Variants in SLC5A4 observed in about 807,000 individuals in gnomAD.
The protein encoded by SLC5A4 is solute carrier family 5 member 4.
SLC5A4 carries 55 observed loss-of-function variants against 70.3 expected under a neutral mutation model. The observed-to-expected ratio is 0.78, with a 90% confidence interval of 0.63 to 0.98. SLC5A4 has a LOEUF of 0.98. Ranked by LOEUF, SLC5A4 falls within the 50% of genes least tolerant of loss-of-function variation. The pLI, the probability that SLC5A4 is intolerant of heterozygous loss-of-function variation, is 0.00. For missense variants in SLC5A4, 735 were observed against 839.2 expected (o/e 0.88, Z 1.53); for synonymous variants, 268 against 305.7 (o/e 0.88, Z 1.29).
At chr22:32,269,643 G>C in the SLC5A4 span, 1 of 597,784 alleles carries the variant, frequency 1.7e-6, no homozygotes, top group Non-Finnish European at 3.3e-6. This position sits in a 1 kb window ranked among gnomAD's most constrained non-coding sequence, Gnocchi z 4.1. Context: ...AGGTGGGGTG[G>C]TGGTCTTTGT....
At chr22:32,347,013 AAAC>A in the SLC5A4 span, among the ~76,000 whole-genome samples, 1 of 152,202 alleles carries the variant, frequency 6.6e-6, no homozygotes, top group African/African-American at 2.4e-5. Context: ...TACAAGAAAA[AAAC>A]AAACAACCCC....
chr22:32,290,619 C>G, the SLC5A4 span, among the ~76,000 whole-genome samples: 1 of 152,112 alleles, frequency 6.6e-6, no homozygotes, highest in African/African-American at 2.4e-5. Context: ...CGGTAACTTA[C>G]AAACAATAGA....
At chr22:32,331,000 G>A in the SLC5A4 span, among the ~76,000 whole-genome samples, 1 of 137,144 alleles carries the variant, frequency 7.3e-6, no homozygotes, top group Non-Finnish European at 1.6e-5. Context: ...GCTCTGGTGT[G>A]TGTGTTGGGG....
At chr22:32,281,346 T>C in the SLC5A4 span, among the ~76,000 whole-genome samples, 1 of 152,056 alleles carries the variant, frequency 6.6e-6, no homozygotes, top group Non-Finnish European at 1.5e-5. Flanking sequence ...ACAGGGCTGC[T>C]CTCCTCTGGG....
chr22:32,277,568 G>A, the SLC5A4 span, among the ~76,000 whole-genome samples: 1 of 151,888 alleles, frequency 6.6e-6, no homozygotes, highest in Non-Finnish European at 1.5e-5. Context: ...TTTTTTTTGA[G>A]ATGGAGTCTC....
At chr22:32,234,817 T>G in intron 8 of SLC5A4, 56 bp downstream of exon 8, 1 of 1,291,784 alleles carries the variant, frequency 7.7e-7, no homozygotes, top group South Asian at 1.2e-5. Context: ...CATGCACACA[T>G]ACAGACACAC....
chr22:32,319,077 ACT>A, the SLC5A4 span, among the ~76,000 whole-genome samples: 118 of 151,908 alleles, frequency 7.8e-4, 1 homozygote, highest in East Asian at 0.02. Flanking sequence ...GGGAATTCAC[ACT>A]CTCTGCCTGC....
the SLC5A4 span, among the ~76,000 whole-genome samples, chr22:32,330,897 TCTC>T: frequency 3.6e-5 from 4 of 112,106 alleles, no homozygotes; most frequent in Non-Finnish European, 5.5e-5. Flanking sequence ...TGTTGGGGGC[TCTC>T]CTGTGTGTGT....
In SLC5A4 at chr22:32,248,820, AAGAGACAGTG is replaced by A. The variant is rs1926980551; in HGVS notation, c.313-28_313-19del. On this transcript the variant is annotated intron_variant, in intron 3 of 14. Coordinates refer to ENST00000266086, the MANE Select transcript of SLC5A4 (RefSeq NM_014227.3). ...ACTGAGGACTACAAGGAACCAAAAT[AAGAGACAGTG>A]AGACATTAAAGAGGCTTGGCTTGTG... 6.4e-7 allele frequency: 1 copy of A among 1,573,636 alleles called. No homozygotes were observed. The highest frequency in any genetic ancestry group is 1.1e-5 in the South Asian group (1 of 90,248).
intron 10 of SLC5A4, 28 bp downstream of exon 10, chr22:32,230,940 G>A (rs1191635199): frequency 1.4e-6 from 2 of 1,421,060 alleles, no homozygotes; most frequent in Non-Finnish European, 2.0e-6. Flanking sequence ...AGGCCTCTGG[G>A]GCTGTCCCAG....
At chr22:32,330,740 CGT>C in the SLC5A4 span, among the ~76,000 whole-genome samples, 10 of 23,846 alleles carry the variant, frequency 4.2e-4, no homozygotes, top group Non-Finnish European at 6.6e-4. Flanking sequence ...GTTGGGGGCT[CGT>C]GTGTGTGTTG....
At chr22:32,310,308 C>T in the SLC5A4 span, among the ~76,000 whole-genome samples, 1 of 152,126 alleles carries the variant, frequency 6.6e-6, no homozygotes. Context: ...TGACTCCTTC[C>T]TCTTACTGAT....
chr22:32,352,873 C>T, the SLC5A4 span, among the ~76,000 whole-genome samples: 25 of 152,240 alleles, frequency 1.6e-4, no homozygotes, highest in Non-Finnish European at 3.1e-4. Flanking sequence ...TGCCGCCCTC[C>T]TACCACTCCA....
chr22:32,303,411 G>T, the SLC5A4 span, among the ~76,000 whole-genome samples: 1 of 152,182 alleles, frequency 6.6e-6, no homozygotes, highest in East Asian at 1.9e-4. Flanking sequence ...GTGGGGTGGC[G>T]TAGAGTAGCC....
At position 32,239,018 on chromosome 22, in the gene SLC5A4, G is replaced by A. The variant is rs1926227596; in HGVS notation, c.550C>T (p.Leu184Phe). 6.2e-7 allele frequency: 1 copy of A among 1,613,912 alleles called. No individual in the cohort carries two copies. The highest frequency in any genetic ancestry group is 8.5e-7 in the Non-Finnish European group (1 of 1,179,804). Residue 184 changes from leucine (L) to phenylalanine (F), a missense_variant, in exon 6 of 15, where the codon CTC (leucine) becomes TTC (phenylalanine). Leu to Phe is a conservative substitution (Grantham distance 22, BLOSUM62 0). Transcript: ENST00000266086. ...GTGTAAACAGCAGTCATAGCCAAGA[G>A]GATGAAGATTGCCAGGTAAAGGTCC... ...GLDLYLAIFI[L>F]LAMTAVYTTT... is the part of the protein sequence containing the mutation.
the SLC5A4 span, among the ~76,000 whole-genome samples, chr22:32,333,563 T>A: frequency 6.6e-6 from 1 of 152,092 alleles, no homozygotes; most frequent in African/African-American, 2.4e-5. Context: ...GTGGCCCTGA[T>A]CATCGGCTCC....
At chr22:32,289,678 C>T in the SLC5A4 span, among the ~76,000 whole-genome samples, 1 of 152,166 alleles carries the variant, frequency 6.6e-6, no homozygotes, top group Non-Finnish European at 1.5e-5. Flanking sequence ...TTCCTGAGGC[C>T]TCCCCAGCCA....
chr22:32,314,730 C>G, the SLC5A4 span, among the ~76,000 whole-genome samples: 40 of 152,296 alleles, frequency 2.6e-4, no homozygotes, highest in Admixed American at 1.4e-3. Context: ...ACTGGACTTA[C>G]AGTTCCACAT....
In SLC5A4 at chr22:32,229,199, A is replaced by G. The variant is rs377053159; in HGVS notation, c.1275T>C (p.Ala425=). 3.1e-6 allele frequency: 5 copies of G among 1,613,904 alleles called. No individual in the cohort carries two copies. Among genetic ancestry groups the G allele is most frequent in the Non-Finnish European group, 4.2e-6 (5 of 1,179,840 alleles). ...GGGAACCAGGGTTCACTCACCGTCC[A>G]GCTATCAGGAGCTCTTTCTCCGACG... The part of the protein sequence containing the change: ...KQASEKELLI[A]GRIFVLLLTV... Residue 425 remains alanine, a synonymous_variant, in exon 11 of 15, where the codon GCT becomes GCC. Transcript: ENST00000266086.
Sources: gnomAD v4.1 joint callset for allele counts (sites outside exome capture counted in the v4.1 genomes callset) on GRCh38, gnomAD v4.1.1 for gene constraint, Gnocchi (gnomAD v3.1) non-coding constraint, MANE v1.5 for transcripts, NCBI Gene and HGNC (gene_info 2026-07-23, HGNC 2026-07-21) for gene names.